CALCOCO2: variants seen among roughly 807,000 people sequenced by gnomAD.
The protein encoded by CALCOCO2 is calcium-binding and coiled-coil domain-containing protein 2.
In CALCOCO2, 42 loss-of-function variants were observed where a neutral mutation model predicts 62.5. That is an observed-to-expected ratio of 0.67 (90% CI 0.53 to 0.87). CALCOCO2 has a LOEUF of 0.87. Ranked by LOEUF, CALCOCO2 falls within the 40% of genes least tolerant of loss-of-function variation. CALCOCO2 has a pLI of 0.00. For missense variants in CALCOCO2, 456 were observed against 515.0 expected, an observed-to-expected ratio of 0.89 and a Z score of 1.11; for synonymous variants, 167 against 173.0, an observed-to-expected ratio of 0.97 and a Z score of 0.27.
intron 1 of CALCOCO2, among the ~76,000 whole-genome samples, chr17:48,833,278 C>T (rs918927522): frequency 6.6e-6 from 1 of 152,088 alleles, no homozygotes; most frequent in African/African-American, 2.4e-5. Context: ...AGCAGAAGGC[C>T]GGGCACAGTG....
At chr17:48,845,923 A>G in intron 2 of CALCOCO2, 2 of 468,024 alleles carry the variant, frequency 4.3e-6, no homozygotes, top group African/African-American at 2.0e-5. Context: ...TTCCTCCTCT[A>G]CTCTGCTGAA....
rs573710514 is a variant in CALCOCO2 at position 48,847,846 on chromosome 17, G to T, written c.181-218G>T. On this transcript the variant is annotated intron_variant, in intron 2 of 12. Transcript: ENST00000258947. ...ATTTTTTGTATTTTAATGGAGACGG[G>T]TTTTCACCATGTTGCCCAGGCTGGT... The T allele has an allele frequency of 1.9e-5, 8 of 416,570 alleles. No individual in the cohort carries two copies. The East Asian group carries it at 2.3e-4, about 12-fold the overall frequency. 25.8% of individuals were successfully genotyped at this position (416,570 alleles called of 1,614,324 possible).
chr17:48,848,697 A>G (rs1357038928), intron 4 of CALCOCO2: 1 of 595,854 alleles, frequency 1.7e-6, no homozygotes, highest in Non-Finnish European at 3.0e-6. Context: ...TTATTCTTTT[A>G]ACTTTCCAAT....
intron 12 of CALCOCO2, among the ~76,000 whole-genome samples, 185 bp downstream of exon 12, chr17:48,862,489 A>C (rs957532027): frequency 3.0e-4 from 45 of 152,360 alleles, no homozygotes; most frequent in African/African-American, 1.0e-3. Context: ...AGCACAGTTC[A>C]TCCATCAGCA....
At chr17:48,851,757 A>C (rs1215208358) in intron 7 of CALCOCO2, 129 bp downstream of exon 7, 1 of 670,540 alleles carries the variant, frequency 1.5e-6, no homozygotes, top group African/African-American at 1.8e-5. Flanking sequence ...TATCACACTA[A>C]AGTTTCAGGT....
chr17:48,849,112 G>A, intron 4 of CALCOCO2, 140 bp from the exon 5 acceptor site: 2 of 725,826 alleles, frequency 2.8e-6, no homozygotes, highest in South Asian at 3.5e-5. Flanking sequence ...CCTTACCTAG[G>A]TATTAAGGAG....
intron 2 of CALCOCO2, chr17:48,846,328 T>C (rs2040052921): frequency 6.6e-6 from 4 of 602,182 alleles, no homozygotes; most frequent in South Asian, 2.1e-5. Context: ...CATACAAATA[T>C]GTTACATCTT....
chr17:48,840,322 G>C (rs1347476826), intron 1 of CALCOCO2, among the ~76,000 whole-genome samples: 3 of 151,810 alleles, frequency 2.0e-5, no homozygotes, highest in Non-Finnish European at 4.4e-5. Flanking sequence ...GTAGAGATGG[G>C]GTTTTGCCAT....
At position 48,858,590 on chromosome 17, in the gene CALCOCO2, A is replaced by C. The variant is rs553429512; in HGVS notation, c.1009-1724A>C. 7.9e-5 allele frequency among the ~76,000 whole-genome samples: 12 copies of C among 152,006 alleles called. 1 individual carries two copies. The highest frequency in any genetic ancestry group is 1.6e-4 in the Non-Finnish European group (11 of 67,972). On this transcript the variant is annotated intron_variant, in intron 10 of 12. Coordinates refer to ENST00000258947, the MANE Select transcript of CALCOCO2 (RefSeq NM_005831.5). ...AGCAATCCGCCCACCTCAGCCTCCCAAAGTGATGGGATTACAGGCATAAGC... is the reference window on the plus strand; with the variant it reads ...AGCAATCCGCCCACCTCAGCCTCCCCAAGTGATGGGATTACAGGCATAAGC...
chr17:48,861,661 G>A (rs9748002), intron 11 of CALCOCO2, among the ~76,000 whole-genome samples: 110,776 of 134,540 alleles, frequency 0.82, 45,189 homozygotes, highest in Middle Eastern at 0.89. Context: ...ATGTGTGTGT[G>A]TATATATATA....
intron 10 of CALCOCO2, among the ~76,000 whole-genome samples, chr17:48,858,699 G>C (rs563103773): frequency 4.6e-5 from 7 of 152,076 alleles, no homozygotes; most frequent in African/African-American, 1.4e-4. Context: ...TGATTGTGGG[G>C]GGGGGCAGGT....
At chr17:48,857,497 C>CTTTTTTTTTTTTTTTTT (rs59318856) in intron 10 of CALCOCO2, among the ~76,000 whole-genome samples, 850 of 38,414 alleles carry the variant, frequency 0.022, 193 homozygotes, top group Admixed American at 0.029. Flanking sequence ...GCACCCGGCC[C>CTTTTTTTTTTTTTTTTT]TTTTTTTTTT....
intron 3 of CALCOCO2, 40 bp from the exon 4 acceptor site, chr17:48,848,282 T>C: frequency 6.2e-7 from 1 of 1,603,308 alleles, no homozygotes; most frequent in Admixed American, 1.7e-5. Flanking sequence ...CTTTTCTGAA[T>C]AGATCTTATT....
At position 48,851,294 on chromosome 17, in the gene CALCOCO2, G is replaced by A. The variant is rs561017219; in HGVS notation, c.632+117G>A. 3.1e-5 allele frequency: 22 copies of A among 702,530 alleles called. No homozygotes were observed. In the East Asian group the frequency reaches 5.5e-4, roughly 18 times the overall value. The allele number at this position is 702,530 out of a possible 1,614,324, so 43.5% of individuals were successfully genotyped here. A position where few individuals can be genotyped will look rare whatever the true frequency, so the allele number is the denominator to read the frequency against. On this transcript the variant is annotated intron_variant, in intron 6 of 12. Transcript: ENST00000258947. ...AAAACACTGTTATGACATTGATGAT[G>A]TGATTCTCCACCCTTTGAATCATGA... is the stretch of plus-strand genomic sequence containing the variant.
intron 10 of CALCOCO2, among the ~76,000 whole-genome samples, chr17:48,859,923 G>A (rs1026472519): frequency 7.2e-5 from 11 of 151,994 alleles, no homozygotes; most frequent in African/African-American, 2.4e-4. Flanking sequence ...GGTGAAACCC[G>A]TCTCTACTAA....
intron 1 of CALCOCO2, chr17:48,831,607 G>A (rs1188694411): frequency 6.6e-6 from 1 of 152,262 alleles, no homozygotes; most frequent in Non-Finnish European, 1.5e-5. Flanking sequence ...TGTCGGAGAA[G>A]ACGTTCTAGG....
intron 5 of CALCOCO2, 42 bp downstream of exon 5, chr17:48,849,419 A>G (rs2040096821): frequency 1.3e-6 from 2 of 1,577,746 alleles, no homozygotes; most frequent in Non-Finnish European, 1.7e-6. Context: ...CATGGAGATC[A>G]GAATTGGATG....
rs201839175 is a variant in CALCOCO2 at position 48,854,382 on chromosome 17, T to TTATATATATA, written c.912+1376_912+1385dup. Among the ~76,000 whole-genome samples the TTATATATATA allele has an allele frequency of 4.7e-3, 28 of 5,990 alleles. 1 individual carries two copies. The highest frequency in any genetic ancestry group is 6.0e-3 in the Admixed American group (1 of 166). The allele number at this position is 5,990 out of a possible 152,430, so 3.9% of individuals were successfully genotyped here. On this transcript the variant is annotated intron_variant, in intron 9 of 12. Coordinates refer to ENST00000258947, the MANE Select transcript of CALCOCO2 (RefSeq NM_005831.5). The stretch of plus-strand genomic sequence containing the variant: ...ATGGATTTCCTTGGTTTTCTTTTAT[T>TTATATATATA]TATATATATATATATTTTTTTTTTT...
At position 48,849,391 on chromosome 17, in the gene CALCOCO2, T is replaced by TTA; in HGVS notation, c.543+17_543+18dup. ...CAAAAGAAGCAGGTATGGCTGCTGG[T>TTA]TATAGGTGACCTTGGAGCATGGAGA... On this transcript the variant is annotated intron_variant, in intron 5 of 12. Coordinates refer to ENST00000258947, the MANE Select transcript of CALCOCO2 (RefSeq NM_005831.5). 6.2e-7 allele frequency: 1 copy of TTA among 1,611,474 alleles called. No homozygotes were observed. Among genetic ancestry groups the TTA allele is most frequent in the Non-Finnish European group, 8.5e-7 (1 of 1,179,000 alleles).
Sources: allele counts gnomAD v4.1 joint callset (sites outside exome capture counted in the v4.1 genomes callset), GRCh38; gene constraint gnomAD v4.1.1; transcripts MANE v1.5; gene names NCBI Gene and HGNC (gene_info 2026-07-23, HGNC 2026-07-21).